The following CHIC1 variants were observed in gnomAD, a reference collection of about 807,000 sequenced individuals.
The protein encoded by CHIC1 is cysteine rich hydrophobic domain 1, also known as cysteine-rich hydrophobic domain-containing protein 1.
In CHIC1, 7 loss-of-function variants were observed where a neutral mutation model predicts 18.5. The observed-to-expected ratio is 0.38, with a 90% CI of 0.22 to 0.71. CHIC1 has a LOEUF of 0.71. Ranked by LOEUF, CHIC1 falls within the 30% of genes least tolerant of loss-of-function variation. The pLI, the probability that CHIC1 is intolerant of heterozygous loss-of-function variation, is 0.49. For synonymous variants in CHIC1, 77 were observed against 73.5 expected (o/e 1.05, Z -0.25); for missense variants, 159 against 176.9 (o/e 0.90, Z 0.57).
Position 73,681,234 on chromosome X carries a change from T to C in CHIC1, c.*229T>C, listed in dbSNP as rs900882068. 5.9e-6 allele frequency: 2 copies of C among 338,165 alleles called. No individual in the cohort carries two copies. Among genetic ancestry groups the C allele is most frequent in the African/African-American group, 5.4e-5 (2 of 36,833 alleles). The allele number at this position is 338,165 out of a possible 1,213,427, so 27.9% of individuals were successfully genotyped here. On this transcript the variant is annotated 3_prime_UTR_variant, in exon 6 of 6. Coordinates refer to ENST00000373502, the MANE Select transcript of CHIC1 (RefSeq NM_001039840.4). Reference sequence around the variant, plus strand: ...AATTTTAAATACACACACATGCGTGTGTGCATATACATATATAGATAGTTG... The same window carrying C: ...AATTTTAAATACACACACATGCGTGCGTGCATATACATATATAGATAGTTG...
At chrX:73,662,869 A>T (rs976647325) in intron 3 of CHIC1, among the ~76,000 whole-genome samples, 1 of 111,480 alleles carries the variant, frequency 9.0e-6, no homozygotes, top group Non-Finnish European at 1.9e-5. Context: ...AAAATGAATA[A>T]TTGTGCAATT....
At chrX:73,654,479 T>TA (rs2057932401) in intron 3 of CHIC1, among the ~76,000 whole-genome samples, 1 of 112,107 alleles carries the variant, frequency 8.9e-6, no homozygotes, top group Non-Finnish European at 1.9e-5. Context: ...TCATGACGTA[T>TA]ATTAGCCTGT....
At chrX:73,597,762 C>G (rs2057618031) in intron 3 of CHIC1, among the ~76,000 whole-genome samples, 1 of 109,069 alleles carries the variant, frequency 9.2e-6, no homozygotes, top group Non-Finnish European at 1.9e-5. Flanking sequence ...TAATGCTATC[C>G]CTCCCCTAGC....
chrX:73,631,707 T>C (rs1205920562), intron 3 of CHIC1, among the ~76,000 whole-genome samples: 1 of 112,201 alleles, frequency 8.9e-6, no homozygotes. Context: ...ACTGCTTTTG[T>C]TGCATCTCAT....
chrX:73,603,433 G>A (rs965502772), intron 3 of CHIC1, among the ~76,000 whole-genome samples: 2 of 107,913 alleles, frequency 1.9e-5, no homozygotes, highest in Non-Finnish European at 3.8e-5. Context: ...ATATACAATC[G>A]TGTCGTCTGC....
chrX:73,616,279 A>C (rs998355704), intron 3 of CHIC1, among the ~76,000 whole-genome samples: 1 of 111,562 alleles, frequency 9.0e-6, no homozygotes, highest in Non-Finnish European at 1.9e-5. Flanking sequence ...CTGGAATTGC[A>C]GTAGTCTGCA....
intron 3 of CHIC1, among the ~76,000 whole-genome samples, chrX:73,607,658 G>A (rs1419286112): frequency 9.2e-6 from 1 of 108,998 alleles, no homozygotes; most frequent in Non-Finnish European, 1.9e-5. Flanking sequence ...TGTGAAGTCT[G>A]TGGGAAAAGT....
intron 3 of CHIC1, among the ~76,000 whole-genome samples, chrX:73,672,393 A>T (rs1207010766): frequency 9.0e-6 from 1 of 111,368 alleles, no homozygotes; most frequent in Non-Finnish European, 1.9e-5. Context: ...CAACAGTGTA[A>T]AAGTGTTCCT....
At chrX:73,630,109 C>T (rs1258482958) in intron 3 of CHIC1, among the ~76,000 whole-genome samples, 1 of 111,683 alleles carries the variant, frequency 9.0e-6, no homozygotes, top group Non-Finnish European at 1.9e-5. Flanking sequence ...TTTTTGTATT[C>T]AAACCTTTAC....
intron 3 of CHIC1, among the ~76,000 whole-genome samples, chrX:73,666,307 A>G (rs1274974126): frequency 1.8e-5 from 2 of 111,575 alleles, no homozygotes; most frequent in African/African-American, 3.3e-5. Flanking sequence ...ATTAACTTAC[A>G]CAATCACAAG....
chrX:73,599,294 C>G (rs1464343403), intron 3 of CHIC1, among the ~76,000 whole-genome samples: 1 of 104,043 alleles, frequency 9.6e-6, no homozygotes, highest in Non-Finnish European at 1.9e-5. Context: ...CCTGTTCACT[C>G]TGATGGTAGT....
At chrX:73,642,048 T>C (rs1342629657) in intron 3 of CHIC1, among the ~76,000 whole-genome samples, 1 of 111,814 alleles carries the variant, frequency 8.9e-6, no homozygotes, top group Non-Finnish European at 1.9e-5. Flanking sequence ...AAGGGATGGC[T>C]GGGTCAAATG....
chrX:73,626,308 A>G (rs900672204), intron 3 of CHIC1, among the ~76,000 whole-genome samples: 6 of 110,785 alleles, frequency 5.4e-5, no homozygotes, highest in Non-Finnish European at 9.4e-5. Flanking sequence ...TTGGTGTTCT[A>G]TAACTTTCTT....
At chrX:73,578,999 T>C (rs1022035295) in intron 2 of CHIC1, among the ~76,000 whole-genome samples, 1 of 110,695 alleles carries the variant, frequency 9.0e-6, no homozygotes, top group Non-Finnish European at 1.9e-5. Flanking sequence ...AATCACAATC[T>C]TCCCCCCAGC....
At chrX:73,662,068 AAATAAAAATAAAT>A (rs1167581395) in intron 3 of CHIC1, among the ~76,000 whole-genome samples, 1 of 109,131 alleles carries the variant, frequency 9.2e-6, no homozygotes, top group Non-Finnish European at 1.9e-5. Flanking sequence ...ATAAATAAAT[AAATAAAAATAAAT>A]AATAAAAAAA....
At chrX:73,590,522 A>G (rs1429633620) in intron 3 of CHIC1, among the ~76,000 whole-genome samples, 2 of 111,159 alleles carry the variant, frequency 1.8e-5, no homozygotes, top group Middle Eastern at 4.7e-3. Context: ...TCTACATCCT[A>G]TGGATTTTGG....
intron 3 of CHIC1, among the ~76,000 whole-genome samples, chrX:73,589,970 C>T (rs2057573291): frequency 9.0e-6 from 1 of 111,587 alleles, no homozygotes; most frequent in African/African-American, 3.2e-5. Flanking sequence ...GTGAAATTAA[C>T]TGTTAATCTT....
At chrX:73,599,845 A>T (rs1273877849) in intron 3 of CHIC1, among the ~76,000 whole-genome samples, 2 of 104,441 alleles carry the variant, frequency 1.9e-5, no homozygotes, top group African/African-American at 7.6e-5. Flanking sequence ...TGAACTTTAA[A>T]GTAGTTTTTT....
chrX:73,676,131 G>T (rs978354361), intron 3 of CHIC1, among the ~76,000 whole-genome samples: 5 of 112,023 alleles, frequency 4.5e-5, no homozygotes, highest in African/African-American at 1.6e-4. Flanking sequence ...CCCTTTGTGG[G>T]TAACCAGACC....
Sources: allele counts gnomAD v4.1 joint callset (sites outside exome capture counted in the v4.1 genomes callset), GRCh38; gene constraint gnomAD v4.1.1; transcripts MANE v1.5; gene names NCBI Gene and HGNC (gene_info 2026-07-23, HGNC 2026-07-21).